SLC15A5: variants seen among roughly 807,000 people sequenced by gnomAD.
SLC15A5 encodes solute carrier family 15 member 5.
In SLC15A5, 58 loss-of-function variants were observed where a neutral mutation model predicts 56.1. The ratio of observed to expected loss-of-function variants is 1.03; its 90% CI spans 0.84 to 1.29. SLC15A5 has a LOEUF of 1.29. SLC15A5 is among the 50% of genes most tolerant of loss of function. The pLI, the probability that SLC15A5 is intolerant of heterozygous loss-of-function variation, is 0.00. For missense variants in SLC15A5, 681 were observed against 672.1 expected, an observed-to-expected ratio of 1.01 and a Z score of -0.15; for synonymous variants, 264 against 250.5, an observed-to-expected ratio of 1.05 and a Z score of -0.51.
chr12:16,256,008 A>G (rs1479282527), intron 3 of SLC15A5, among the ~76,000 whole-genome samples: 1 of 152,210 alleles, frequency 6.6e-6, no homozygotes, highest in African/African-American at 2.4e-5. Flanking sequence ...CTGTCCAAGT[A>G]TGGAAACAAA....
chr12:16,213,431 C>T (rs1864102167), intron 7 of SLC15A5, among the ~76,000 whole-genome samples: 1 of 152,114 alleles, frequency 6.6e-6, no homozygotes, highest in African/African-American at 2.4e-5. Context: ...TATTATTTCT[C>T]CAAGTATTTA....
chr12:16,190,358 TTAAA>T (rs1193435222), intron 8 of SLC15A5, among the ~76,000 whole-genome samples: 1 of 152,170 alleles, frequency 6.6e-6, no homozygotes, highest in Non-Finnish European at 1.5e-5. Context: ...TTCCAAGAGA[TTAAA>T]TAACTTGCTT....
intron 3 of SLC15A5, among the ~76,000 whole-genome samples, chr12:16,248,323 T>C (rs1008006829): frequency 1.3e-5 from 2 of 151,974 alleles, no homozygotes. Flanking sequence ...GTCCAGAGAT[T>C]AGTTAAGGAA....
intron 4 of SLC15A5, among the ~76,000 whole-genome samples, 169 bp downstream of exon 4, chr12:16,244,411 C>T (rs538123049): frequency 2.6e-5 from 4 of 152,284 alleles, no homozygotes; most frequent in African/African-American, 4.8e-5. Flanking sequence ...TGCCTGACCC[C>T]GCTTAGCTCT....
intron 3 of SLC15A5, among the ~76,000 whole-genome samples, chr12:16,253,531 A>T (rs1259745702): frequency 6.6e-6 from 1 of 152,162 alleles, no homozygotes; most frequent in Admixed American, 6.6e-5. Flanking sequence ...CAATACACAC[A>T]TGAAAAGATG....
Position 16,189,723 on chromosome 12 carries a change from T to C in SLC15A5, c.1685A>G (p.Tyr562Cys). Reference sequence around the variant, plus strand: ...TGAAGAAAATTCCTGTATACTGCCATAAAATTTCAGAGATTTTTCGTGGAG... The same window carrying C: ...TGAAGAAAATTCCTGTATACTGCCACAAAATTTCAGAGATTTTTCGTGGAG... ...LLLHEKSLKF[Y>C]GSIQEFSSSI... The change falls in exon 9 of 9, where the codon TAT becomes TGT. Residue 562 changes from tyrosine (Y) to cysteine (C), a missense_variant. Coordinates refer to ENST00000344941, the MANE Select transcript of SLC15A5 (RefSeq NM_001170798.1). The C allele has an allele frequency of 6.5e-7, 1 of 1,531,338 alleles. No homozygotes were observed. The highest frequency in any genetic ancestry group is 8.7e-7 in the Non-Finnish European group (1 of 1,143,946). The allele number at this position is 1,531,338 out of a possible 1,614,324, so 94.9% of individuals were successfully genotyped here.
chr12:16,189,924 C>T, intron 8 of SLC15A5, 109 bp from the exon 9 acceptor site: 2 of 780,798 alleles, frequency 2.6e-6, no homozygotes, highest in East Asian at 2.8e-5. Flanking sequence ...CTCATAGATA[C>T]TGGCACAACA....
chr12:16,256,033 G>T (rs1488828479), intron 3 of SLC15A5, among the ~76,000 whole-genome samples: 1 of 152,138 alleles, frequency 6.6e-6, no homozygotes, highest in Non-Finnish European at 1.5e-5. Flanking sequence ...AGAATCACTA[G>T]CTGTAGTAGA....
chr12:16,248,390 C>T (rs1287699302), intron 3 of SLC15A5, among the ~76,000 whole-genome samples: 1 of 151,882 alleles, frequency 6.6e-6, no homozygotes, highest in Non-Finnish European at 1.5e-5. Context: ...GCTGCACATC[C>T]GTTAGGAAGT....
At chr12:16,240,074 C>T (rs1864398356) in intron 4 of SLC15A5, among the ~76,000 whole-genome samples, 4 of 152,158 alleles carry the variant, frequency 2.6e-5, no homozygotes, top group African/African-American at 9.7e-5. Flanking sequence ...CAATAGTACT[C>T]ATTACTCATG....
chr12:16,272,643 C>T lies in SLC15A5; in HGVS notation c.502G>A (p.Gly168Ser), dbSNP rs868707548. 5 of 1,536,966 alleles carry T rather than the reference C, an allele frequency of 3.3e-6. No individual in the cohort carries two copies. The African/African-American group carries it at 5.5e-5, about 17-fold the overall frequency. ...AGTGGACAGACGATGGCTCTTACGC[C>T]TCCAATGCCAAGGCAAATGGTCAGC... ...ALLTICLGIG[G>S]VRAIVCPLGA... Residue 168 changes from glycine to serine, a missense_variant, in exon 2 of 9, where the codon GGC becomes AGC. Transcript: ENST00000344941.
At chr12:16,261,888 C>G (rs1257293040) in intron 2 of SLC15A5, among the ~76,000 whole-genome samples, 1 of 152,106 alleles carries the variant, frequency 6.6e-6, no homozygotes, top group Admixed American at 6.6e-5. Context: ...GCTATAAGTC[C>G]TTTCTCAATT....
chr12:16,265,330 T>C (rs1176756805), intron 2 of SLC15A5, among the ~76,000 whole-genome samples: 2 of 152,220 alleles, frequency 1.3e-5, no homozygotes, highest in East Asian at 1.9e-4. Flanking sequence ...TGAGCTAGTC[T>C]GCTCACTGTC....
At chr12:16,214,303 T>C (rs538880511) in intron 7 of SLC15A5, among the ~76,000 whole-genome samples, 1 of 152,354 alleles carries the variant, frequency 6.6e-6, no homozygotes, top group South Asian at 2.1e-4. Context: ...AATCTAAATC[T>C]TTTCAACTTC....
chr12:16,272,873 GCAT>G, intron 1 of SLC15A5, 90 bp from the exon 2 acceptor site: 1 of 1,114,390 alleles, frequency 9.0e-7, no homozygotes, highest in South Asian at 1.4e-5. Context: ...TCTGACAGTG[GCAT>G]CATTTTGTGA....
rs560603443 is a variant in SLC15A5 at position 16,272,036 on chromosome 12, T to C, written c.584+525A>G. ...CTCTCTGCATTGGCCTAGAAATTTA[T>C]AATCTCTGCCAAATTAGTCTATTAC... is the stretch of plus-strand genomic sequence containing the variant. On this transcript the variant is annotated intron_variant, in intron 2 of 8. Coordinates refer to ENST00000344941, the MANE Select transcript of SLC15A5 (RefSeq NM_001170798.1). 2.0e-5 allele frequency among the ~76,000 whole-genome samples: 3 copies of C among 152,330 alleles called. No homozygotes were observed. The East Asian group carries it at 5.8e-4, about 29-fold the overall frequency.
Position 16,243,389 on chromosome 12 carries a change from A to G in SLC15A5, c.975+1191T>C, listed in dbSNP as rs1383121103. Among the ~76,000 whole-genome samples the G allele has an allele frequency of 6.6e-6, 1 of 151,940 alleles. No homozygotes were observed. Among genetic ancestry groups the G allele is most frequent in the African/African-American group, 2.4e-5 (1 of 41,380 alleles). The stretch of plus-strand genomic sequence containing the variant: ...CACACCTGACTAATTTTGTATTTTT[A>G]GTAGAGACGGGGTTTCTCCATTTTG... On this transcript the variant is annotated intron_variant, in intron 4 of 8. Coordinates refer to ENST00000344941, the MANE Select transcript of SLC15A5 (RefSeq NM_001170798.1). The surrounding 1 kb of genome is among the most constrained non-coding windows in gnomAD (Gnocchi z 4.4).
chr12:16,239,612 G>A (rs1472862823), intron 5 of SLC15A5, 69 bp downstream of exon 5: 6 of 1,431,442 alleles, frequency 4.2e-6, no homozygotes, highest in East Asian at 2.5e-5. Flanking sequence ...TAGCTAGTTC[G>A]GATCTTAGCA....
intron 5 of SLC15A5, among the ~76,000 whole-genome samples, chr12:16,226,566 C>T (rs1363202106): frequency 1.3e-5 from 2 of 152,082 alleles, no homozygotes; most frequent in Non-Finnish European, 2.9e-5. Flanking sequence ...TATTGGTCCT[C>T]AGTTGTCTGG....
Sources: gnomAD v4.1 joint callset for allele counts (sites outside exome capture counted in the v4.1 genomes callset) on GRCh38, gnomAD v4.1.1 for gene constraint, Gnocchi (gnomAD v3.1) non-coding constraint, MANE v1.5 for transcripts, NCBI Gene and HGNC (gene_info 2026-07-23, HGNC 2026-07-21) for gene names.